The following HS3ST4 variants were observed in gnomAD, a reference collection of about 807,000 sequenced individuals.
HS3ST4 encodes heparan sulfate glucosamine 3-O-sulfotransferase 4.
In HS3ST4, 17 loss-of-function variants were observed where a neutral mutation model predicts 29.2. The ratio of observed to expected loss-of-function variants is 0.58; its 90% confidence interval spans 0.40 to 0.87. The LOEUF is 0.87. HS3ST4 is among the 40% of genes least tolerant of loss of function. The pLI, the probability that HS3ST4 is intolerant of heterozygous loss-of-function variation, is 0.00. For synonymous variants in HS3ST4, 314 were observed against 285.7 expected, an observed-to-expected ratio of 1.10 and a Z score of -1.00; for missense variants, 627 against 634.5, an observed-to-expected ratio of 0.99 and a Z score of 0.13.
At chr16:26,103,058 T>C (rs900062929) in intron 1 of HS3ST4, among the ~76,000 whole-genome samples, 2 of 152,164 alleles carry the variant, frequency 1.3e-5, no homozygotes, top group African/African-American at 4.8e-5. Flanking sequence ...TCATATTCCA[T>C]TGGCTAGAAC....
At chr16:25,782,647 A>T (rs185424214) in intron 1 of HS3ST4, among the ~76,000 whole-genome samples, 2 of 152,324 alleles carry the variant, frequency 1.3e-5, no homozygotes, top group Admixed American at 1.3e-4. Flanking sequence ...GATTAGTTAA[A>T]GTCAGATGCA....
rs1567252777 is a variant in HS3ST4, at chr16:25,841,789, G to GTC, written c.734+148639_734+148640insCT. ...ACTAGAACCTGCGTCTGTGGGTGGTGTGGAGACTATTGCTTCAATATGTTT... is the reference window on the plus strand; with the variant it reads ...ACTAGAACCTGCGTCTGTGGGTGGTGTCTGGAGACTATTGCTTCAATATGTTT... On this transcript the variant is annotated intron_variant, in intron 1 of 1. Coordinates refer to ENST00000331351, the MANE Select transcript of HS3ST4 (RefSeq NM_006040.3). Among the ~76,000 whole-genome samples the GTC allele has an allele frequency of 2.6e-5, 4 of 152,272 alleles. No homozygotes were observed. In the East Asian group the frequency reaches 7.7e-4, roughly 29 times the overall value.
At chr16:25,921,443 C>G (rs1471171874) in intron 1 of HS3ST4, among the ~76,000 whole-genome samples, 1 of 152,180 alleles carries the variant, frequency 6.6e-6, no homozygotes, top group African/African-American at 2.4e-5. Flanking sequence ...AAGAAATAAG[C>G]CACAAAGTCA....
At chr16:26,104,555 G>A (rs1396922434) in intron 1 of HS3ST4, among the ~76,000 whole-genome samples, 1 of 152,090 alleles carries the variant, frequency 6.6e-6, no homozygotes, top group Non-Finnish European at 1.5e-5. Flanking sequence ...GTCCTCAGTG[G>A]CTTTCTCTAT....
At chr16:25,856,350 A>T (rs931861302) in intron 1 of HS3ST4, among the ~76,000 whole-genome samples, 1 of 152,086 alleles carries the variant, frequency 6.6e-6, no homozygotes, top group East Asian at 1.9e-4. Context: ...CCACCCTCCA[A>T]CCTTCAGGGA....
chr16:25,924,853 T>C (rs941830492), intron 1 of HS3ST4, among the ~76,000 whole-genome samples: 1 of 152,218 alleles, frequency 6.6e-6, no homozygotes, highest in Admixed American at 6.5e-5. Context: ...AGGCCCCTGG[T>C]CTGGCAGGGC....
chr16:25,805,073 G>T (rs1251934628), intron 1 of HS3ST4, among the ~76,000 whole-genome samples: 2 of 152,116 alleles, frequency 1.3e-5, no homozygotes, highest in African/African-American at 4.8e-5. Flanking sequence ...CCCAGAGCTT[G>T]TGTCTGTTTG....
rs996686263 is a variant in HS3ST4, at chr16:25,920,604, C to T, written c.735-215008C>T. 8.7e-5 allele frequency among the ~76,000 whole-genome samples: 13 copies of T among 149,992 alleles called. 1 individual carries two copies. The South Asian group carries it at 2.1e-3, about 25-fold the overall frequency. ...TCCTTCCCCTCACTGCCGCCCCCAC[C>T]CCTCTTTTTTTTTTTTGAAACAGGA... On this transcript the variant is annotated intron_variant, in intron 1 of 1. Transcript: ENST00000331351.
At chr16:26,111,446 G>A (rs1432315181) in intron 1 of HS3ST4, among the ~76,000 whole-genome samples, 1 of 151,466 alleles carries the variant, frequency 6.6e-6, no homozygotes, top group African/African-American at 2.4e-5. Flanking sequence ...GCCACTGCTG[G>A]AGACATCTTT....
intron 1 of HS3ST4, among the ~76,000 whole-genome samples, chr16:25,730,396 C>G (rs1216714805): frequency 2.0e-5 from 3 of 146,640 alleles, no homozygotes; most frequent in African/African-American, 7.6e-5. Context: ...CTCCCTCGTC[C>G]TTCTCTCCCT....
intron 1 of HS3ST4, among the ~76,000 whole-genome samples, chr16:25,955,018 G>C (rs991413861): frequency 1.3e-5 from 2 of 152,198 alleles, no homozygotes; most frequent in Non-Finnish European, 2.9e-5. Flanking sequence ...TTTTCACCTA[G>C]AAGCTCTGTA....
chr16:26,134,327 ATTTTCTTTTCTTTTC>A (rs757624599), intron 1 of HS3ST4, among the ~76,000 whole-genome samples: 451 of 129,722 alleles, frequency 3.5e-3, no homozygotes, highest in African/African-American at 0.011. Context: ...TCTCAACTGA[ATTTTCTTTTCTTTTC>A]TTTTCTTTTC....
At chr16:26,006,143 A>G (rs956422260) in intron 1 of HS3ST4, among the ~76,000 whole-genome samples, 1 of 151,874 alleles carries the variant, frequency 6.6e-6, no homozygotes, top group African/African-American at 2.4e-5. Flanking sequence ...TACTAAAAAT[A>G]TGAAAATTAG....
intron 1 of HS3ST4, among the ~76,000 whole-genome samples, chr16:25,973,619 C>T (rs1490080333): frequency 6.6e-6 from 1 of 152,282 alleles, no homozygotes; most frequent in Middle Eastern, 3.4e-3. Flanking sequence ...TGACCTTGGG[C>T]GTGTGGTTTA....
At chr16:25,864,348 G>A (rs12933738) in intron 1 of HS3ST4, among the ~76,000 whole-genome samples, 45,846 of 151,812 alleles carry the variant, frequency 0.3, 7,601 homozygotes, top group African/African-American at 0.45. Flanking sequence ...CAACTTTTAA[G>A]TGTGCAAAGC....
At chr16:25,857,948 C>CTTTCTTTCTTTCTTTATTTA (rs1555469182) in intron 1 of HS3ST4, among the ~76,000 whole-genome samples, 115 of 57,146 alleles carry the variant, frequency 2.0e-3, no homozygotes, top group Non-Finnish European at 3.2e-3. Context: ...TTCTTTCTTT[C>CTTTCTTTCTTTCTTTATTTA]TTTCTTTCTT....
intron 1 of HS3ST4, among the ~76,000 whole-genome samples, chr16:25,770,297 C>G (rs1174293748): frequency 6.6e-6 from 1 of 151,188 alleles, no homozygotes; most frequent in Non-Finnish European, 1.5e-5. Context: ...TAATCATGGC[C>G]TTGGAGATGA....
intron 1 of HS3ST4, among the ~76,000 whole-genome samples, chr16:25,707,417 G>T (rs957718097): frequency 4.6e-5 from 7 of 152,102 alleles, no homozygotes; most frequent in African/African-American, 1.7e-4. Context: ...TCATAGCTAT[G>T]TATGTATAGG....
chr16:26,088,728 G>A (rs987280618), intron 1 of HS3ST4, among the ~76,000 whole-genome samples: 2 of 152,160 alleles, frequency 1.3e-5, no homozygotes, highest in Non-Finnish European at 2.9e-5. Context: ...CAACTCTTAT[G>A]TTAAGACACA....
Sources: gnomAD v4.1 joint callset for allele counts (sites outside exome capture counted in the v4.1 genomes callset) on GRCh38, gnomAD v4.1.1 for gene constraint, MANE v1.5 for transcripts, NCBI Gene and HGNC (gene_info 2026-07-23, HGNC 2026-07-21) for gene names.